Variants in FBXO2 observed in about 807,000 individuals in gnomAD.
FBXO2 encodes the protein F-box only protein 2.
Under a neutral mutation model 38.6 loss-of-function variants are expected in FBXO2, and 32 were observed. The ratio of observed to expected loss-of-function variants is 0.83; its 90% CI spans 0.62 to 1.11. The LOEUF (loss-of-function observed/expected upper bound fraction) is 1.11, where lower values mean the gene tolerates loss of function less well. FBXO2 is among the 50% of genes most tolerant of loss of function. The pLI is 0.00. For missense variants in FBXO2, 450 were observed against 418.3 expected (o/e 1.08, Z -0.66); for synonymous variants, 189 against 182.9 (o/e 1.03, Z -0.27).
At chr1:11,649,013 G>T (rs1276573581) in intron 5 of FBXO2, 74 bp downstream of exon 5, 10 of 1,169,292 alleles carry the variant, frequency 8.6e-6, no homozygotes, top group Non-Finnish European at 1.1e-5. Context: ...CAGGAGCGCT[G>T]TGGGCGGGGT....
chr1:11,648,569 G>C lies in FBXO2; in HGVS notation c.*125C>G. 1.2e-5 allele frequency: 16 copies of C among 1,342,208 alleles called. No individual in the cohort carries two copies. Among genetic ancestry groups the C allele is most frequent in the Non-Finnish European group, 1.6e-5 (16 of 982,086 alleles). 83.1% of individuals were successfully genotyped at this position (1,342,208 alleles called of 1,614,324 possible). On this transcript the variant is annotated 3_prime_UTR_variant, in exon 6 of 6. Transcript: ENST00000354287. The surrounding 1 kb of genome is among the most constrained non-coding windows in gnomAD (Gnocchi z 4.2). ...TCTCCCTGCTCAGGGGCTGGGATCGGAGCAAGGGATGGGAGGAGGATGTGT... is the reference window on the plus strand; with the variant it reads ...TCTCCCTGCTCAGGGGCTGGGATCGCAGCAAGGGATGGGAGGAGGATGTGT...
intron 1 of FBXO2, chr1:11,653,892 G>C (rs1046807589): frequency 3.0e-5 from 5 of 166,418 alleles, no homozygotes; most frequent in Non-Finnish European, 5.2e-5. Flanking sequence ...AGGAAGGCAG[G>C]AATAGGTGAG....
At position 11,650,506 on chromosome 1, in the gene FBXO2, G is replaced by C. The variant is rs1208937620; in HGVS notation, c.351C>G (p.Ser117Arg). 1.9e-6 allele frequency: 3 copies of C among 1,607,446 alleles called. No individual in the cohort carries two copies. Among genetic ancestry groups the C allele is most frequent in the Non-Finnish European group, 2.5e-6 (3 of 1,177,900 alleles). The change falls in exon 2 of 6, where the codon AGC becomes AGG. Residue 117 changes from serine to arginine, a missense_variant. By Grantham distance (110) the Ser-to-Arg change is moderately radical. Coordinates refer to ENST00000354287, the MANE Select transcript of FBXO2 (RefSeq NM_012168.6). ...TACGCAGAAGGTTGCGGCGCCGCTTGCTCAGGAAGTAGAACTGCTGCCAGT... is the reference window on the plus strand; with the variant it reads ...TACGCAGAAGGTTGCGGCGCCGCTTCCTCAGGAAGTAGAACTGCTGCCAGT... ...RDHWQQFYFL[S>R]KRRRNLLRNP...
In FBXO2 at chr1:11,649,077, C is replaced by A; in HGVS notation, c.756+10G>T. The A allele has an allele frequency of 6.3e-7, 1 of 1,588,454 alleles. No individual in the cohort carries two copies. The highest frequency in any genetic ancestry group is 8.6e-7 in the Non-Finnish European group (1 of 1,168,094). On this transcript the variant is annotated intron_variant, in intron 5 of 5. Transcript: ENST00000354287. Reference sequence around the variant, plus strand: ...GCCCCACCCCTCCGCCCTGGGTCCCCCAGGCTCACCTCCATCCAGCCCCCG... The same window carrying A: ...GCCCCACCCCTCCGCCCTGGGTCCCACAGGCTCACCTCCATCCAGCCCCCG...
At chr1:11,651,552 G>A (rs1639520409) in intron 1 of FBXO2, among the ~76,000 whole-genome samples, 1 of 152,188 alleles carries the variant, frequency 6.6e-6, no homozygotes, top group Non-Finnish European at 1.5e-5. Context: ...GGAAACTGAG[G>A]CACAGAGAGG....
chr1:11,654,388 G>C lies in FBXO2; in HGVS notation c.-48C>G. 1 of 1,354,276 alleles carries C rather than the reference G, an allele frequency of 7.4e-7. No homozygotes were observed. The highest frequency in any genetic ancestry group is 9.5e-7 in the Non-Finnish European group (1 of 1,057,054). 83.9% of individuals were successfully genotyped at this position (1,354,276 alleles called of 1,614,324 possible). A position where few individuals can be genotyped will look rare whatever the true frequency, so the allele number is the denominator to read the frequency against. ...AGGAGGAGCCGGAGCGCTGCGGGCT[G>C]CGCGAGTCCCGGGGCGGCGAGTCCC... On this transcript the variant is annotated 5_prime_UTR_variant, in exon 1 of 6. Transcript: ENST00000354287.
rs772193852 is a variant in FBXO2 at position 11,649,778 on chromosome 1, CCA to C, written c.616_617del (p.Trp206ValfsTer16). 9.3e-6 allele frequency: 15 copies of C among 1,613,726 alleles called. No individual in the cohort carries two copies. The highest frequency in any genetic ancestry group is 1.3e-5 in the Non-Finnish European group (15 of 1,179,968). ...CCCATGCCACCCCAGGACCCTCTCA[CCA>C]GTCCTTCACCACGATGGCCGGCTGA... ...TTQPAIVVKD[W>X]YSGRSDAGCL... On this transcript the variant is annotated frameshift_variant and splice_region_variant, in exon 4 of 6. Transcript: ENST00000354287. LOFTEE classifies it high-confidence loss of function.
At position 11,650,596 on chromosome 1, in the gene FBXO2, C is replaced by T; in HGVS notation, c.261G>A (p.Leu87=). Residue 87 remains leucine, a synonymous_variant, in exon 2 of 6, where the codon CTG becomes CTA. Coordinates refer to ENST00000354287, the MANE Select transcript of FBXO2 (RefSeq NM_012168.6). ...RWKELVDGAP[L]WLLKCQQEGL... ...CCTCCTGCTGGCACTTGAGCAGCCACAGCGGGGCGCCGTCCACCAGCTCCT... is the reference window on the plus strand; with the variant it reads ...CCTCCTGCTGGCACTTGAGCAGCCATAGCGGGGCGCCGTCCACCAGCTCCT... 6.3e-7 allele frequency: 1 copy of T among 1,592,930 alleles called. No individual in the cohort carries two copies. Among genetic ancestry groups the T allele is most frequent in the Non-Finnish European group, 8.5e-7 (1 of 1,173,056 alleles).
chr1:11,650,151 C>G, intron 2 of FBXO2, 77 bp from the exon 3 acceptor site: 2 of 1,582,986 alleles, frequency 1.3e-6, no homozygotes, highest in East Asian at 4.5e-5. Context: ...TGGTGGGGGG[C>G]AGGGCAAAGG....
Position 11,648,884 on chromosome 1 carries a change from C to T in FBXO2, c.757-56G>A. On this transcript the variant is annotated intron_variant, in intron 5 of 5. Coordinates refer to ENST00000354287, the MANE Select transcript of FBXO2 (RefSeq NM_012168.6). The surrounding 1 kb of genome is among the most constrained non-coding windows in gnomAD (Gnocchi z 4.2). ...GGAGGTCCTGAGGCCTCTCCTGCCG[C>T]CCCACCCCGGTACACCGACCGACCT... is the stretch of plus-strand genomic sequence containing the variant. The T allele has an allele frequency of 1.2e-6, 2 of 1,600,256 alleles. No individual in the cohort carries two copies. The highest frequency in any genetic ancestry group is 1.7e-6 in the Non-Finnish European group (2 of 1,171,158).
chr1:11,649,075 C>A lies in FBXO2; in HGVS notation c.756+12G>T, dbSNP rs760255078. On this transcript the variant is annotated intron_variant, in intron 5 of 5. Coordinates refer to ENST00000354287, the MANE Select transcript of FBXO2 (RefSeq NM_012168.6). ...GTGCCCCACCCCTCCGCCCTGGGTC[C>A]CCCAGGCTCACCTCCATCCAGCCCC... 5.0e-6 allele frequency: 8 copies of A among 1,587,698 alleles called. No individual in the cohort carries two copies. Among genetic ancestry groups the A allele is most frequent in the Non-Finnish European group, 5.1e-6 (6 of 1,167,404 alleles).
chr1:11,649,924 C>T (rs768922090), intron 3 of FBXO2, 21 bp downstream of exon 3: 6 of 1,613,968 alleles, frequency 3.7e-6, no homozygotes, highest in Middle Eastern at 1.6e-4. Flanking sequence ...CTTCCCACCT[C>T]CTCCACCCCC....
chr1:11,650,790 C>T lies in FBXO2; in HGVS notation c.67G>A (p.Glu23Lys), dbSNP rs1045681810. ...CGCTCCTCCTCAGCACTCGCCTCCT[C>T]TGGCTGCTCCTCCGGGCTTGCCTCC... ...PEEASPEEQP[E>K]EASAEEERPE... Residue 23 changes from glutamate to lysine, a missense_variant, in exon 2 of 6, where the codon GAG (glutamate) becomes AAG (lysine). Physicochemically the swap from Glu to Lys is moderately conservative, Grantham distance 56. Coordinates refer to ENST00000354287, the MANE Select transcript of FBXO2 (RefSeq NM_012168.6). 1.2e-5 allele frequency: 19 copies of T among 1,537,918 alleles called. No homozygotes were observed. The highest frequency in any genetic ancestry group is 1.7e-5 in the Non-Finnish European group (19 of 1,147,584).
intron 4 of FBXO2, chr1:11,649,561 T>C: frequency 8.4e-6 from 5 of 596,734 alleles, no homozygotes; most frequent in South Asian, 8.0e-5. Flanking sequence ...CATATATATG[T>C]GCATATATTT....
Position 11,648,487 on chromosome 1 carries a change from C to G in FBXO2, c.*207G>C. On this transcript the variant is annotated 3_prime_UTR_variant, in exon 6 of 6. Coordinates refer to ENST00000354287, the MANE Select transcript of FBXO2 (RefSeq NM_012168.6). This position sits in a 1 kb window ranked among gnomAD's most constrained non-coding sequence, Gnocchi z 4.2. ...GGTCCAGTCCAAGCTCACGCCCTCA[C>G]GGATCTACATTCTAGAAGCCGGCTA... 2 of 650,162 alleles carry G rather than the reference C, an allele frequency of 3.1e-6. No homozygotes were observed. Among genetic ancestry groups the G allele is most frequent in the South Asian group, 2.0e-5 (1 of 49,876 alleles). The allele number at this position is 650,162 out of a possible 1,614,324, so 40.3% of individuals were successfully genotyped here. A position where few individuals can be genotyped will look rare whatever the true frequency, so the allele number is the denominator to read the frequency against.
chr1:11,648,678 G>C lies in FBXO2; in HGVS notation c.*16C>G. Reference sequence around the variant, plus strand: ...TGCCCCTCCAGGCAGCTGGGGGAGAGTGGAGGCAGGGTCGCTCAGGGTTCT... The same window carrying C: ...TGCCCCTCCAGGCAGCTGGGGGAGACTGGAGGCAGGGTCGCTCAGGGTTCT... On this transcript the variant is annotated 3_prime_UTR_variant, in exon 6 of 6. Transcript: ENST00000354287. This position sits in a 1 kb window ranked among gnomAD's most constrained non-coding sequence, Gnocchi z 4.2. 6.2e-7 allele frequency: 1 copy of C among 1,612,544 alleles called. No homozygotes were observed.
At chr1:11,649,266 G>A in intron 4 of FBXO2, 41 bp from the exon 5 acceptor site, 2 of 1,049,320 alleles carry the variant, frequency 1.9e-6, no homozygotes, top group East Asian at 2.6e-5. Flanking sequence ...CGGGAGGTGG[G>A]GTGGGGGCAT....
In FBXO2 at chr1:11,648,731, G is replaced by A; in HGVS notation, c.854C>T (p.Ala285Val). The change falls in exon 6 of 6, where the codon GCC becomes GTC. Residue 285 changes from alanine (A) to valine (V), a missense_variant. Coordinates refer to ENST00000354287, the MANE Select transcript of FBXO2 (RefSeq NM_012168.6). This position sits in a 1 kb window ranked among gnomAD's most constrained non-coding sequence, Gnocchi z 4.2. ...DSVYWKGWFG[A>V]RVTNSSVWVE... ...CCACACGCTGCTGTTGGTCACCCGG[G>A]CCCCGAACCAGCCCTTCCAGTAGAC... 9.9e-6 allele frequency: 16 copies of A among 1,613,514 alleles called. No homozygotes were observed. The highest frequency in any genetic ancestry group is 1.4e-5 in the Non-Finnish European group (16 of 1,180,038).
chr1:11,650,343 G>A (rs1557653619), intron 2 of FBXO2, 123 bp downstream of exon 2: 5 of 1,466,254 alleles, frequency 3.4e-6, no homozygotes, highest in Non-Finnish European at 4.5e-6. Context: ...GACAGCCTTG[G>A]GGCTACCCAG....
Sources: allele counts gnomAD v4.1 joint callset (sites outside exome capture counted in the v4.1 genomes callset), GRCh38; gene constraint gnomAD v4.1.1; non-coding constraint Gnocchi (gnomAD v3.1); transcripts MANE v1.5; gene names NCBI Gene and HGNC (gene_info 2026-07-23, HGNC 2026-07-21).